Variants in TMPRSS15 observed in about 807,000 individuals in gnomAD.
TMPRSS15 encodes the protein enteropeptidase.
TMPRSS15 carries 128 observed loss-of-function variants against 125.3 expected under a neutral mutation model. The observed-to-expected ratio is 1.02, with a 90% CI of 0.89 to 1.18. The LOEUF (loss-of-function observed/expected upper bound fraction) is 1.18. Among genes scored for constraint, TMPRSS15 ranks in the 50% most tolerant of loss-of-function variants. The pLI, the probability that TMPRSS15 is intolerant of heterozygous loss-of-function variation, is 0.00. For missense variants in TMPRSS15, 1,283 were observed against 1,212.7 expected (o/e 1.06, Z -0.86); for synonymous variants, 446 against 423.2 (o/e 1.05, Z -0.66).
chr21:18,345,568 C>A (rs1319900706), intron 10 of TMPRSS15, among the ~76,000 whole-genome samples: 1 of 147,502 alleles, frequency 6.8e-6, no homozygotes, highest in Non-Finnish European at 1.5e-5. Flanking sequence ...GGCGAAACCC[C>A]GTCTCTACAA....
intron 1 of TMPRSS15, among the ~76,000 whole-genome samples, chr21:18,409,207 C>T (rs1264576756): frequency 1.3e-5 from 2 of 151,790 alleles, no homozygotes; most frequent in African/African-American, 4.8e-5. Flanking sequence ...GATGCTAACC[C>T]TTTTTCTTAC....
chr21:18,413,318 T>TCCTTCCTTCCTA (rs1314523415), intron 1 of TMPRSS15, among the ~76,000 whole-genome samples: 5 of 114,824 alleles, frequency 4.4e-5, no homozygotes, highest in African/African-American at 8.8e-5. Context: ...TTCTTTTCCT[T>TCCTTCCTTCCTA]CCTTCCTTCC....
At chr21:18,457,352 G>A (rs577995148) in intron 1 of TMPRSS15, among the ~76,000 whole-genome samples, 14 of 152,064 alleles carry the variant, frequency 9.2e-5, no homozygotes, top group African/African-American at 3.1e-4. Flanking sequence ...AGACACGTAC[G>A]TTTCTCACCT....
intron 7 of TMPRSS15, among the ~76,000 whole-genome samples, chr21:18,360,075 T>C (rs1288941487): frequency 6.6e-6 from 1 of 152,070 alleles, no homozygotes; most frequent in Admixed American, 6.6e-5. Flanking sequence ...TGAAACTCTG[T>C]ATCACTGAAT....
intron 18 of TMPRSS15, among the ~76,000 whole-genome samples, chr21:18,301,987 A>G (rs907569773): frequency 2.6e-5 from 4 of 152,194 alleles, no homozygotes; most frequent in Admixed American, 1.3e-4. Flanking sequence ...CTTGCATGGT[A>G]TTAAATCTTC....
chr21:18,270,173 C>T lies in TMPRSS15; in HGVS notation c.2905-49G>A, dbSNP rs368634591. On this transcript the variant is annotated intron_variant, in intron 24 of 24. Transcript: ENST00000284885. ...AATTGTAGATATGTGGTCAATTGAT[C>T]GAAACATATAAAATTATTTGTATCA... 303 of 1,471,996 alleles carry T rather than the reference C, an allele frequency of 2.1e-4. 2 individuals are homozygous for T. Among genetic ancestry groups the T allele is most frequent in the Non-Finnish European group, 2.5e-4 (261 of 1,056,592 alleles). 91.2% of individuals were successfully genotyped at this position (1,471,996 alleles called of 1,614,324 possible).
At chr21:18,338,402 T>C (rs1019166677) in intron 13 of TMPRSS15, among the ~76,000 whole-genome samples, 2 of 152,168 alleles carry the variant, frequency 1.3e-5, no homozygotes, top group African/African-American at 2.4e-5. Flanking sequence ...GTTGCTGATA[T>C]TTGGTATCTG....
intron 1 of TMPRSS15, among the ~76,000 whole-genome samples, chr21:18,430,831 A>T (rs1353627244): frequency 6.6e-6 from 1 of 152,184 alleles, no homozygotes; most frequent in Non-Finnish European, 1.5e-5. Flanking sequence ...CAATATATCA[A>T]ATGTGTAATA....
chr21:18,335,452 G>A (rs935128364), intron 13 of TMPRSS15, among the ~76,000 whole-genome samples: 3 of 152,176 alleles, frequency 2.0e-5, no homozygotes, highest in African/African-American at 7.2e-5. Context: ...AGATGAGTAT[G>A]TAGGATGTTA....
rs1241456819 is a variant in TMPRSS15, at chr21:18,403,688, G to C, written c.-66C>G. On this transcript the variant is annotated 5_prime_UTR_variant, in exon 1 of 25. Transcript: ENST00000284885. Reference sequence around the variant, plus strand: ...AATATAAATAATTCTACCAACTGAAGAGAAAAATCTCTCAAATTTTTAAAG... The same window carrying C: ...AATATAAATAATTCTACCAACTGAACAGAAAAATCTCTCAAATTTTTAAAG... 5 of 1,599,904 alleles carry C rather than the reference G, an allele frequency of 3.1e-6. No individual in the cohort carries two copies. The African/African-American group carries it at 4.0e-5, about 13-fold the overall frequency.
rs201328617 is a variant in TMPRSS15 at position 18,365,468 on chromosome 21, CTCTT to C, written c.665-224_665-221del. Among the ~76,000 whole-genome samples, 115 of 151,976 alleles carry C rather than the reference CTCTT, an allele frequency of 7.6e-4. 1 individual carries two copies. In the East Asian group the frequency reaches 0.021, roughly 28 times the overall value. Reference sequence around the variant, plus strand: ...GGAAAAATTCTTTCTTTCTCTCTCTCTCTTTCTCTCTTTCTTTCTCCTTCCTTTT... The same window carrying C: ...GGAAAAATTCTTTCTTTCTCTCTCTCTCTCTCTTTCTTTCTCCTTCCTTTT... On this transcript the variant is annotated intron_variant, in intron 6 of 24. Transcript: ENST00000284885.
chr21:18,333,200 G>A (rs866557804), intron 13 of TMPRSS15, among the ~76,000 whole-genome samples: 25 of 152,110 alleles, frequency 1.6e-4, no homozygotes, highest in Middle Eastern at 6.8e-3. Context: ...TCCATGACAC[G>A]AGTTTACCTG....
At position 18,343,970 on chromosome 21, in the gene TMPRSS15, G is replaced by C; in HGVS notation, c.1262C>G (p.Ala421Gly). The C allele has an allele frequency of 6.2e-7, 1 of 1,614,046 alleles. No individual in the cohort carries two copies. The highest frequency in any genetic ancestry group is 8.5e-7 in the Non-Finnish European group (1 of 1,179,978). ...TACAACATACCAGAAACTAAGGCAAGCTGGCTCCAAAGTGGGGTCCAAAGG... is the reference window on the plus strand; with the variant it reads ...TACAACATACCAGAAACTAAGGCAACCTGGCTCCAAAGTGGGGTCCAAAGG... ...SLPLDPTLEP[A>G]CLSFWYHMYG... The change falls in exon 11 of 25, where the codon GCT (alanine) becomes GGT (glycine). Residue 421 changes from alanine to glycine, a missense_variant. Physicochemically the swap from Ala to Gly is moderately conservative, Grantham distance 60. Coordinates refer to ENST00000284885, the MANE Select transcript of TMPRSS15 (RefSeq NM_002772.3).
At chr21:18,367,070 CTT>C in intron 6 of TMPRSS15, among the ~76,000 whole-genome samples, 1 of 151,486 alleles carries the variant, frequency 6.6e-6, no homozygotes, top group African/African-American at 2.4e-5. Context: ...ACTTTGGTAA[CTT>C]AAGTTTATTA....
At chr21:18,362,142 T>C (rs1449498885) in intron 7 of TMPRSS15, among the ~76,000 whole-genome samples, 1 of 151,842 alleles carries the variant, frequency 6.6e-6, no homozygotes, top group African/African-American at 2.4e-5. Flanking sequence ...CATCCCAGAG[T>C]AGACAGAGAA....
chr21:18,340,863 G>T (rs2075438980), intron 13 of TMPRSS15, among the ~76,000 whole-genome samples: 1 of 152,058 alleles, frequency 6.6e-6, no homozygotes, highest in African/African-American at 2.4e-5. Context: ...TCAAATATAA[G>T]AAAGATACTA....
rs1344159079 is a variant in TMPRSS15 at position 18,417,472 on chromosome 21, A to G, written c.11-19143T>C. Among the ~76,000 whole-genome samples, 6 of 152,192 alleles carry G rather than the reference A, an allele frequency of 3.9e-5. No homozygotes were observed. In the East Asian group the frequency reaches 1.2e-3, roughly 29 times the overall value. On this transcript the variant is annotated intron_variant, in intron 1 of 7. Coordinates refer to the TMPRSS15 transcript ENST00000422787. ...AATCTAATTAAAATATGCAATTAAA[A>G]TAGTTAATGCAATTTTCTATGTCAA...
chr21:18,354,376 A>G (rs2075603636), intron 8 of TMPRSS15, among the ~76,000 whole-genome samples: 2 of 151,768 alleles, frequency 1.3e-5, no homozygotes, highest in African/African-American at 4.8e-5. Flanking sequence ...AGCATTTTAT[A>G]TTGATGTAAC....
intron 1 of TMPRSS15, among the ~76,000 whole-genome samples, chr21:18,473,659 G>A (rs555807335): frequency 1.3e-5 from 2 of 152,160 alleles, no homozygotes; most frequent in South Asian, 4.1e-4. Flanking sequence ...CTAGGGAATT[G>A]GACCTGAGAA....
Sources: gnomAD v4.1 joint callset for allele counts (sites outside exome capture counted in the v4.1 genomes callset) on GRCh38, gnomAD v4.1.1 for gene constraint, MANE v1.5 for transcripts, NCBI Gene and HGNC (gene_info 2026-07-23, HGNC 2026-07-21) for gene names.